Variants in GOLGA4 observed in about 807,000 individuals in gnomAD.
GOLGA4 encodes the protein golgin A4, also known as golgin subfamily A member 4.
A neutral mutation model predicts 265.9 loss-of-function variants in GOLGA4; 169 were observed. That is an observed-to-expected ratio of 0.64 (90% CI 0.56 to 0.72). The LOEUF is 0.72. Among genes scored for constraint, GOLGA4 ranks in the 30% least tolerant of loss-of-function variants. The pLI is 0.00. For missense variants in GOLGA4, 2,482 were observed against 2,483.4 expected, an observed-to-expected ratio of 1.00 and a Z score of 0.01; for synonymous variants, 923 against 855.8, an observed-to-expected ratio of 1.08 and a Z score of -1.37.
chr3:37,250,584 G>A (rs934323374), intron 1 of GOLGA4: 5 of 152,066 alleles, frequency 3.3e-5, no homozygotes, highest in African/African-American at 1.2e-4. Context: ...ACTGCCTTTT[G>A]TAAAGTGCAG....
At chr3:37,356,747 CA>C (rs1197181452) in intron 22 of GOLGA4, among the ~76,000 whole-genome samples, 3 of 152,056 alleles carry the variant, frequency 2.0e-5, no homozygotes, top group Non-Finnish European at 4.4e-5. Context: ...ATAATTTTGT[CA>C]TTATGGTCCA....
At chr3:37,359,084 C>A (rs2097097835) in intron 22 of GOLGA4, among the ~76,000 whole-genome samples, 1 of 152,172 alleles carries the variant, frequency 6.6e-6, no homozygotes, top group South Asian at 2.1e-4. Context: ...ATACCAAATG[C>A]ACATATCTCT....
At chr3:37,363,241 T>G (rs1175398073) in intron 23 of GOLGA4, among the ~76,000 whole-genome samples, 1 of 152,182 alleles carries the variant, frequency 6.6e-6, no homozygotes, top group East Asian at 1.9e-4. Flanking sequence ...TTTTATTAGG[T>G]TACTTTGATA....
At chr3:37,355,804 G>T (rs80254501) in intron 22 of GOLGA4, among the ~76,000 whole-genome samples, 5,839 of 152,122 alleles carry the variant, frequency 0.038, 143 homozygotes, top group African/African-American at 0.056. Context: ...TCCATTCTAG[G>T]CAGAGTATGA....
At chr3:37,296,022 A>C in intron 6 of GOLGA4, 65 bp from the exon 7 acceptor site, 4 of 1,427,056 alleles carry the variant, frequency 2.8e-6, no homozygotes, top group Admixed American at 1.7e-5. Flanking sequence ...ACAGATACCA[A>C]GGGACAATTG....
In GOLGA4 at chr3:37,304,200, G is replaced by A. The variant is rs144195848; in HGVS notation, c.1234+1868G>A. Among the ~76,000 whole-genome samples, 400 of 152,288 alleles carry A rather than the reference G, an allele frequency of 2.6e-3. 1 individual carries two copies. Among genetic ancestry groups the A allele is most frequent in the Middle Eastern group, 0.01 (3 of 294 alleles). On this transcript the variant is annotated intron_variant, in intron 10 of 23. Transcript: ENST00000361924. ...AGATGAAGACTTTGAAAAGGTCCTT[G>A]AATTTGGCAAGGATTTGATTTGGAG...
rs146534540 is a variant in GOLGA4, at chr3:37,363,923, C to T, written c.*34-2157C>T. On this transcript the variant is annotated intron_variant, in intron 23 of 23. Transcript: ENST00000361924. ...TGAACTGATCTTGAATTTTGTTTCC[C>T]ACAACAGATCAAGCTACGGTTTCAA... Among the ~76,000 whole-genome samples the T allele has an allele frequency of 3.4e-4, 52 of 152,174 alleles. 1 individual carries two copies. Among genetic ancestry groups the T allele is most frequent in the African/African-American group, 1.0e-3 (43 of 41,532 alleles).
chr3:37,314,134 A>G (rs2096930632), intron 10 of GOLGA4, among the ~76,000 whole-genome samples: 1 of 151,796 alleles, frequency 6.6e-6, no homozygotes, highest in Admixed American at 6.6e-5. Context: ...ACACCAGGCT[A>G]ATTTTTAGTA....
At chr3:37,318,587 T>C (rs1477866244) in intron 11 of GOLGA4, among the ~76,000 whole-genome samples, 2 of 152,094 alleles carry the variant, frequency 1.3e-5, no homozygotes, top group African/African-American at 4.8e-5. Context: ...ATTAACTTTT[T>C]AGATTTATAT....
chr3:37,322,922 T>C (rs974267514), intron 13 of GOLGA4, among the ~76,000 whole-genome samples: 4 of 152,006 alleles, frequency 2.6e-5, no homozygotes, highest in Non-Finnish European at 4.4e-5. Flanking sequence ...AAATACTATG[T>C]AGGCCTTAAA....
At chr3:37,244,842 AC>A (rs762139379) in intron 1 of GOLGA4, among the ~76,000 whole-genome samples, 2 of 152,226 alleles carry the variant, frequency 1.3e-5, no homozygotes, top group Non-Finnish European at 2.9e-5. Context: ...TCCTTTTCAT[AC>A]CATCTATTGC....
chr3:37,301,757 T>C (rs986287106), intron 9 of GOLGA4, among the ~76,000 whole-genome samples: 7 of 152,136 alleles, frequency 4.6e-5, no homozygotes, highest in Non-Finnish European at 7.4e-5. Flanking sequence ...GCAAGAAATA[T>C]CATTTTTTCT....
intron 22 of GOLGA4, among the ~76,000 whole-genome samples, chr3:37,360,977 G>A (rs1423364013): frequency 6.6e-6 from 1 of 152,118 alleles, no homozygotes; most frequent in Admixed American, 6.5e-5. Context: ...CTTAAAATAT[G>A]CAGTACACCT....
In GOLGA4 at chr3:37,325,490, A is replaced by G. The variant is rs368360349; in HGVS notation, c.3604A>G (p.Lys1202Glu). 1.7e-5 allele frequency: 27 copies of G among 1,613,620 alleles called. No individual in the cohort carries two copies. The African/African-American group carries it at 3.5e-4, about 21-fold the overall frequency. The change falls in exon 14 of 24, where the codon AAG (lysine) becomes GAG (glutamate). Residue 1202 changes from lysine (K) to glutamate (E), a missense_variant. Coordinates refer to ENST00000361924, the MANE Select transcript of GOLGA4 (RefSeq NM_002078.5). ...HEKSNKSLED[K>E]SLEFKKLSEE... is the part of the protein sequence containing the mutation. ...AAAAAGTAACAAAAGCCTAGAGGAC[A>G]AGAGCTTGGAATTTAAAAAACTGTC... is the stretch of plus-strand genomic sequence containing the variant.
chr3:37,312,207 A>G (rs2096924876), intron 10 of GOLGA4, among the ~76,000 whole-genome samples: 1 of 152,200 alleles, frequency 6.6e-6, no homozygotes, highest in South Asian at 2.1e-4. Flanking sequence ...TAAGCATTAA[A>G]AGACATTGTC....
chr3:37,350,484 G>C (rs1483137129), intron 21 of GOLGA4, among the ~76,000 whole-genome samples: 1 of 152,038 alleles, frequency 6.6e-6, no homozygotes, highest in Admixed American at 6.6e-5. Context: ...TTAGAGAAAT[G>C]CTTCCTATAA....
rs577622974 is a variant in GOLGA4, at chr3:37,296,046, G to GT, written c.682-33dup. On this transcript the variant is annotated intron_variant, in intron 6 of 23. Coordinates refer to ENST00000361924, the MANE Select transcript of GOLGA4 (RefSeq NM_002078.5). ...AAGGGACAATTGTACTACTCCCATA[G>GT]TTTTTTTTGACTTTTTTCTAATGAA... The GT allele has an allele frequency of 1.3e-3, 2,003 of 1,581,368 alleles. 2 individuals carry two copies. Among genetic ancestry groups the GT allele is most frequent in the Non-Finnish European group, 1.5e-3 (1,751 of 1,151,202 alleles).
chr3:37,265,295 C>T (rs566880376), intron 2 of GOLGA4, among the ~76,000 whole-genome samples: 1 of 152,258 alleles, frequency 6.6e-6, no homozygotes, highest in East Asian at 1.9e-4. Context: ...AACTAAAGCA[C>T]AGAAGATAAT....
intron 20 of GOLGA4, 34 bp from the exon 21 acceptor site, chr3:37,347,159 T>G: frequency 7.9e-7 from 1 of 1,273,280 alleles, no homozygotes; most frequent in Non-Finnish European, 1.1e-6. Context: ...CCTGGTTTTG[T>G]CTTTACAGTT....
Sources: allele counts gnomAD v4.1 joint callset (sites outside exome capture counted in the v4.1 genomes callset), GRCh38; gene constraint gnomAD v4.1.1; transcripts MANE v1.5; gene names NCBI Gene and HGNC (gene_info 2026-07-23, HGNC 2026-07-21).